Variants in PDE1A observed in about 807,000 individuals in gnomAD.
PDE1A encodes the protein dual specificity calcium/calmodulin-dependent 3',5'-cyclic nucleotide phosphodiesterase 1A.
Under a neutral mutation model 61.7 loss-of-function variants are expected in PDE1A, and 35 were observed. That is an observed-to-expected ratio of 0.57 (90% CI 0.43 to 0.75). The LOEUF is 0.75. Among genes scored for constraint, PDE1A ranks in the 30% least tolerant of loss-of-function variants. PDE1A has a pLI of 0.00. For missense variants in PDE1A, 597 were observed against 630.6 expected, an observed-to-expected ratio of 0.95 and a Z score of 0.57; for synonymous variants, 232 against 213.2, an observed-to-expected ratio of 1.09 and a Z score of -0.77.
chr2:182,389,963 G>A (rs1254157281), intron 1 of PDE1A, among the ~76,000 whole-genome samples: 1 of 152,076 alleles, frequency 6.6e-6, no homozygotes, highest in African/African-American at 2.4e-5. Flanking sequence ...GTTTGCGAGG[G>A]GCTCTTGGGC....
chr2:182,451,864 C>T (rs559275078), intron 2 of PDE1A, among the ~76,000 whole-genome samples: 2 of 152,216 alleles, frequency 1.3e-5, no homozygotes, highest in African/African-American at 4.8e-5. Flanking sequence ...TTCCTCCAAG[C>T]ACCTCTGCTT....
intron 4 of PDE1A, among the ~76,000 whole-genome samples, chr2:182,231,333 A>T (rs113482482): frequency 2.6e-5 from 4 of 152,218 alleles, no homozygotes. Flanking sequence ...TTTATAAAGC[A>T]TCAAAACCTT....
At chr2:182,420,092 G>A (rs896153084) in intron 1 of PDE1A, among the ~76,000 whole-genome samples, 7 of 151,888 alleles carry the variant, frequency 4.6e-5, no homozygotes, top group African/African-American at 1.7e-4. Context: ...CACAGCAGAA[G>A]AGGTGCAGAT....
At chr2:182,451,681 A>C (rs1453064578) in intron 2 of PDE1A, among the ~76,000 whole-genome samples, 1 of 152,140 alleles carries the variant, frequency 6.6e-6, no homozygotes, top group Non-Finnish European at 1.5e-5. Flanking sequence ...GCAAACTTGC[A>C]TAACCTATAC....
At chr2:182,441,477 G>A (rs1350050925) in intron 2 of PDE1A, among the ~76,000 whole-genome samples, 2 of 152,036 alleles carry the variant, frequency 1.3e-5, no homozygotes, top group African/African-American at 4.8e-5. Context: ...TAGGTACCAT[G>A]GCATTGGCTA....
chr2:182,427,861 C>A (rs1193688699), upstream of PDE1A, among the ~76,000 whole-genome samples: 1 of 151,884 alleles, frequency 6.6e-6, no homozygotes, highest in Non-Finnish European at 1.5e-5. Flanking sequence ...CATTTCAAAG[C>A]ATGATTAGAA....
chr2:182,671,651 G>A, the PDE1A span, among the ~76,000 whole-genome samples: 17 of 130,010 alleles, frequency 1.3e-4, no homozygotes, highest in South Asian at 2.4e-4. Context: ...GACAAGTCTC[G>A]CTCTGTCGCC....
At chr2:182,571,936 T>C in the PDE1A span, among the ~76,000 whole-genome samples, 1 of 152,180 alleles carries the variant, frequency 6.6e-6, no homozygotes, top group Non-Finnish European at 1.5e-5. Context: ...AAGCTAACCA[T>C]GTGGCAAAGT....
intron 1 of PDE1A, among the ~76,000 whole-genome samples, chr2:182,392,270 C>A (rs1219388960): frequency 3.9e-5 from 6 of 152,188 alleles, no homozygotes; most frequent in African/African-American, 7.2e-5. Flanking sequence ...TGGTGCCAGG[C>A]AAGAGAGACA....
chr2:182,166,884 C>A (rs1691679742), downstream of PDE1A, among the ~76,000 whole-genome samples: 1 of 152,122 alleles, frequency 6.6e-6, no homozygotes, highest in African/African-American at 2.4e-5. Flanking sequence ...ACTAGTCTAG[C>A]AGAGTTAACT....
At chr2:182,520,905 G>T (rs1329543224) in intron 2 of PDE1A, among the ~76,000 whole-genome samples, 1 of 151,884 alleles carries the variant, frequency 6.6e-6, no homozygotes, top group Non-Finnish European at 1.5e-5. Context: ...GCTTTGATAG[G>T]ATTACTTGTT....
intron 1 of PDE1A, among the ~76,000 whole-genome samples, chr2:182,416,504 T>C (rs764397066): frequency 6.6e-6 from 1 of 152,240 alleles, no homozygotes; most frequent in Non-Finnish European, 1.5e-5. Context: ...ATCACAGTTA[T>C]GTAATAAAAC....
intron 1 of PDE1A, among the ~76,000 whole-genome samples, chr2:182,359,118 T>C (rs1192328472): frequency 6.6e-6 from 1 of 152,150 alleles, no homozygotes; most frequent in Non-Finnish European, 1.5e-5. Flanking sequence ...TTTGAACATG[T>C]GTAAGTCTTT....
chr2:182,438,964 C>T (rs973095088), intron 2 of PDE1A, among the ~76,000 whole-genome samples: 2 of 151,816 alleles, frequency 1.3e-5, no homozygotes, highest in Admixed American at 6.6e-5. Flanking sequence ...TGAAAGATGA[C>T]TGTAACTTGA....
At chr2:182,203,781 C>T (rs1559179220) in intron 8 of PDE1A, among the ~76,000 whole-genome samples, 2 of 151,672 alleles carry the variant, frequency 1.3e-5, no homozygotes. Context: ...AAGAAATAAA[C>T]AGATATGTAA....
chr2:182,159,789 T>C (rs965323212), intron 13 of PDE1A, among the ~76,000 whole-genome samples: 12 of 152,114 alleles, frequency 7.9e-5, no homozygotes, highest in African/African-American at 2.9e-4. Flanking sequence ...ACCACATCTC[T>C]ACAAAAGTGA....
intron 1 of PDE1A, among the ~76,000 whole-genome samples, chr2:182,366,317 G>A (rs1699835736): frequency 6.6e-6 from 1 of 151,916 alleles, no homozygotes; most frequent in Non-Finnish European, 1.5e-5. Context: ...GTTAAAAGAT[G>A]AGAAAAAGGA....
chr2:182,471,637 C>T (rs1363603571), intron 2 of PDE1A, among the ~76,000 whole-genome samples: 1 of 151,728 alleles, frequency 6.6e-6, no homozygotes, highest in Non-Finnish European at 1.5e-5. Flanking sequence ...GTTACCATTT[C>T]CTTCTTTTTT....
At chr2:182,398,378 A>G (rs1008088775) in intron 1 of PDE1A, among the ~76,000 whole-genome samples, 2 of 152,002 alleles carry the variant, frequency 1.3e-5, no homozygotes, top group African/African-American at 4.8e-5. Context: ...ACATTGTCAT[A>G]GATGTGAATA....
Sources: gnomAD v4.1 joint callset for allele counts (sites outside exome capture counted in the v4.1 genomes callset) on GRCh38, gnomAD v4.1.1 for gene constraint, MANE v1.5 for transcripts, NCBI Gene and HGNC (gene_info 2026-07-23, HGNC 2026-07-21) for gene names.